The following EVX2 variants were observed in gnomAD, a reference collection of about 807,000 sequenced individuals.
EVX2 encodes the protein even-skipped homeobox 2, also known as homeobox even-skipped homolog protein 2.
EVX2 carries 10 observed loss-of-function variants against 19.2 expected under a neutral mutation model. That is an observed-to-expected ratio of 0.52 (90% CI 0.32 to 0.89). EVX2 has a LOEUF of 0.89. Among genes scored for constraint, EVX2 ranks in the 40% least tolerant of loss-of-function variants. The pLI is 0.03. For missense variants in EVX2, 710 were observed against 694.9 expected, an observed-to-expected ratio of 1.02 and a Z score of -0.24; for synonymous variants, 354 against 328.4, an observed-to-expected ratio of 1.08 and a Z score of -0.84.
chr2:176,080,843 G>C lies in EVX2; in HGVS notation c.700-5C>G, dbSNP rs767114072. 4 of 1,607,396 alleles carry C rather than the reference G, an allele frequency of 2.5e-6. No individual in the cohort carries two copies. The highest frequency in any genetic ancestry group is 3.9e-4 in the Middle Eastern group (2 of 5,082). ...GCGCCGGTTCTGGAACCACACCTGC[G>C]GGGAGAGACGCGCCGCAGCCTGGGT... On this transcript the variant is annotated splice_polypyrimidine_tract_variant and splice_region_variant and intron_variant, in intron 2 of 2. Coordinates refer to ENST00000308618, the MANE Select transcript of EVX2 (RefSeq NM_001080458.2). The surrounding 1 kb of genome is among the most constrained non-coding windows in gnomAD (Gnocchi z 7.0).
At position 176,082,550 on chromosome 2, in the gene EVX2, C is replaced by T. The variant is rs1689164900; in HGVS notation, c.428-101G>A. ...GGGAAGCCCCGTCAGGAAGGAGAGT[C>T]GCTGCCGGAATTGATGGGGTCTGTC... On this transcript the variant is annotated intron_variant, in intron 1 of 2. Transcript: ENST00000308618. The surrounding 1 kb of genome is among the most constrained non-coding windows in gnomAD (Gnocchi z 5.2). 5 of 1,380,486 alleles carry T rather than the reference C, an allele frequency of 3.6e-6. No homozygotes were observed. Among genetic ancestry groups the T allele is most frequent in the South Asian group, 2.9e-5 (2 of 67,828 alleles). The allele number at this position is 1,380,486 out of a possible 1,614,324, so 85.5% of individuals were successfully genotyped here. A position where few individuals can be genotyped will look rare whatever the true frequency, so the allele number is the denominator to read the frequency against.
Position 176,080,000 on chromosome 2 carries a change from GCGGCA to G in EVX2, c.*102_*106del. 8.1e-7 allele frequency: 1 copy of G among 1,236,718 alleles called. No individual in the cohort carries two copies. The highest frequency in any genetic ancestry group is 3.1e-5 in the East Asian group (1 of 31,938). The allele number at this position is 1,236,718 out of a possible 1,614,324, so 76.6% of individuals were successfully genotyped here. On this transcript the variant is annotated 3_prime_UTR_variant, in exon 3 of 3. Coordinates refer to ENST00000308618, the MANE Select transcript of EVX2 (RefSeq NM_001080458.2). The surrounding 1 kb of genome is among the most constrained non-coding windows in gnomAD (Gnocchi z 4.4). The stretch of plus-strand genomic sequence containing the variant: ...CTCCCGCGCCCCGGGGCGCCCCCTG[GCGGCA>G]GCGGCAGCAGCGGGCAACGCGCGGA...
rs1689082527 is a variant in EVX2 at position 176,078,298 on chromosome 2, C to T, written c.*1809G>A. 6.6e-6 allele frequency: 1 copy of T among 152,158 alleles called. No homozygotes were observed. Among genetic ancestry groups the T allele is most frequent in the South Asian group, 2.1e-4 (1 of 4,828 alleles). The allele number at this position is 152,158 out of a possible 1,614,324, so 9.4% of individuals were successfully genotyped here. A position where few individuals can be genotyped will look rare whatever the true frequency, so the allele number is the denominator to read the frequency against. Reference sequence around the variant, plus strand: ...ACGGATATATATATGCATATACATACATATACATATATATACACATACACA... The same window carrying T: ...ACGGATATATATATGCATATACATATATATACATATATATACACATACACA... On this transcript the variant is annotated 3_prime_UTR_variant, in exon 3 of 3. Transcript: ENST00000308618.
At position 176,078,656 on chromosome 2, in the gene EVX2, T is replaced by C. The variant is rs1191656130; in HGVS notation, c.*1451A>G. ...GTAACAGAGATAACATTAAATAACATACATTCTATGCACCAAGAACAATGT... is the reference window on the plus strand; with the variant it reads ...GTAACAGAGATAACATTAAATAACACACATTCTATGCACCAAGAACAATGT... On this transcript the variant is annotated 3_prime_UTR_variant, in exon 3 of 3. Coordinates refer to ENST00000308618, the MANE Select transcript of EVX2 (RefSeq NM_001080458.2). 6.6e-6 allele frequency: 1 copy of C among 152,240 alleles called. No homozygotes were observed. Among genetic ancestry groups the C allele is most frequent in the Non-Finnish European group, 1.5e-5 (1 of 68,042 alleles). The allele number at this position is 152,240 out of a possible 1,614,324, so 9.4% of individuals were successfully genotyped here. A position where few individuals can be genotyped will look rare whatever the true frequency, so the allele number is the denominator to read the frequency against.
rs2105371581 is a variant in EVX2 at position 176,081,113 on chromosome 2, A to C, written c.700-275T>G. 6.6e-6 allele frequency among the ~76,000 whole-genome samples: 1 copy of C among 152,062 alleles called. No homozygotes were observed. On this transcript the variant is annotated intron_variant, in intron 2 of 2. Coordinates refer to ENST00000308618, the MANE Select transcript of EVX2 (RefSeq NM_001080458.2). The surrounding 1 kb of genome is among the most constrained non-coding windows in gnomAD (Gnocchi z 5.9). The stretch of plus-strand genomic sequence containing the variant: ...CTTTTATTCCCTTACTTCTTGCTGC[A>C]CTTTTTTGTCCCAATCCAACCTTTC...
chr2:176,082,358 G>GCCGCTGCCT lies in EVX2; in HGVS notation c.510_518dup (p.Gly173_Ser175dup), dbSNP rs761903759. ...CGGAGCCACCCAGCGCCGCGCTCCCGCCGCTGCCTCCGCTGCCTCCATGCA... is the reference window on the plus strand; with the variant it reads ...CGGAGCCACCCAGCGCCGCGCTCCCGCCGCTGCCTCCGCTGCCTCCGCTGCCTCCATGCA... On this transcript the variant is annotated inframe_insertion, in exon 2 of 3. Coordinates refer to ENST00000308618, the MANE Select transcript of EVX2 (RefSeq NM_001080458.2). The surrounding 1 kb of genome is among the most constrained non-coding windows in gnomAD (Gnocchi z 5.2). The GCCGCTGCCT allele has an allele frequency of 1.9e-5, 30 of 1,602,032 alleles. No individual in the cohort carries two copies. Among genetic ancestry groups the GCCGCTGCCT allele is most frequent in the Non-Finnish European group, 1.5e-5 (18 of 1,178,086 alleles).
At position 176,077,810 on chromosome 2, in the gene EVX2, G is replaced by A. The variant is rs1689077310; in HGVS notation, c.*2297C>T. 1 of 152,092 alleles carries A rather than the reference G, an allele frequency of 6.6e-6. No individual in the cohort carries two copies. Among genetic ancestry groups the A allele is most frequent in the African/African-American group, 2.4e-5 (1 of 41,406 alleles). 9.4% of individuals were successfully genotyped at this position (152,092 alleles called of 1,614,324 possible). The stretch of plus-strand genomic sequence containing the variant: ...TTTAACAATCTAAATAGGTAAAGCT[G>A]ATAAAGGGTACCATATTTTGGTTTA... On this transcript the variant is annotated 3_prime_UTR_variant, in exon 3 of 3. Coordinates refer to ENST00000308618, the MANE Select transcript of EVX2 (RefSeq NM_001080458.2).
In EVX2 at chr2:176,080,083, G is replaced by A. The variant is rs1689108475; in HGVS notation, c.*24C>T. 3.4e-6 allele frequency: 5 copies of A among 1,489,236 alleles called. No homozygotes were observed. The highest frequency in any genetic ancestry group is 1.3e-5 in the South Asian group (1 of 74,720). 92.3% of individuals were successfully genotyped at this position (1,489,236 alleles called of 1,614,324 possible). On this transcript the variant is annotated 3_prime_UTR_variant, in exon 3 of 3. Coordinates refer to ENST00000308618, the MANE Select transcript of EVX2 (RefSeq NM_001080458.2). This position sits in a 1 kb window ranked among gnomAD's most constrained non-coding sequence, Gnocchi z 7.0. ...CGGGCACACTCAGAGAGGCGGGCGC[G>A]GCCCCCTGGCGGTGGCGACGTAGTT...
Position 176,080,529 on chromosome 2 carries a change from T to C in EVX2, c.1009A>G (p.Ser337Gly), listed in dbSNP as rs758076110. 1.3e-6 allele frequency: 2 copies of C among 1,497,764 alleles called. No homozygotes were observed. The highest frequency in any genetic ancestry group is 1.8e-6 in the Non-Finnish European group (2 of 1,139,192). The allele number at this position is 1,497,764 out of a possible 1,614,324, so 92.8% of individuals were successfully genotyped here. ...HPYSRPELLC[S>G]FRHPGLYQAP... ...TGGTAGAGACCAGGGTGGCGGAAGC[T>C]ACACAGCAGCTCCGGCCGAGAGTAG... The change falls in exon 3 of 3, where the codon AGC becomes GGC. Residue 337 changes from serine (S) to glycine (G), a missense_variant. Coordinates refer to ENST00000308618, the MANE Select transcript of EVX2 (RefSeq NM_001080458.2). This position sits in a 1 kb window ranked among gnomAD's most constrained non-coding sequence, Gnocchi z 7.0.
rs1689179600 is a variant in EVX2 at position 176,083,550 on chromosome 2, A to C, written c.227T>G (p.Leu76Trp). Residue 76 changes from leucine to tryptophan, a missense_variant, in exon 1 of 3, where the codon TTG becomes TGG. By Grantham distance (61) the Leu-to-Trp change is moderately conservative. Transcript: ENST00000308618. This position sits in a 1 kb window ranked among gnomAD's most constrained non-coding sequence, Gnocchi z 4.4. Reference protein sequence around the residue: ...PAKGKFEIDTLFNLQHTGSES... With the variant: ...PAKGKFEIDTWFNLQHTGSES... The stretch of plus-strand genomic sequence containing the variant: ...GCTGCCCGTGTGCTGCAGGTTGAAC[A>C]AAGTGTCTATTTCGAATTTGCCCTT... The C allele has an allele frequency of 6.2e-7, 1 of 1,613,994 alleles. No homozygotes were observed. Among genetic ancestry groups the C allele is most frequent in the African/African-American group, 1.3e-5 (1 of 74,902 alleles).
chr2:176,080,915 C>CT lies in EVX2; in HGVS notation c.700-78dup. ...AGCTCCTGTCCCAGGACCTCTGCCC[C>CT]TTCCGGACCTCTGAATGGCTTGGTC... On this transcript the variant is annotated intron_variant, in intron 2 of 2. Transcript: ENST00000308618. This position sits in a 1 kb window ranked among gnomAD's most constrained non-coding sequence, Gnocchi z 7.0. 1 of 1,498,866 alleles carries CT rather than the reference C, an allele frequency of 6.7e-7. No homozygotes were observed. Among genetic ancestry groups the CT allele is most frequent in the Non-Finnish European group, 8.9e-7 (1 of 1,123,612 alleles). 92.8% of individuals were successfully genotyped at this position (1,498,866 alleles called of 1,614,324 possible).
rs1319351419 is a variant in EVX2 at position 176,083,599 on chromosome 2, T to G, written c.178A>C (p.Ser60Arg). ...TTGGCGGGGAGTTCTCCCAGAGCGC[T>G]GTGCAGGGGGGCAGACGGCAGGCGC... ...SPRLPSAPLH[S>R]ALGELPAKGK... The change falls in exon 1 of 3, where the codon AGC becomes CGC. Residue 60 changes from serine (S) to arginine (R), a missense_variant. Coordinates refer to ENST00000308618, the MANE Select transcript of EVX2 (RefSeq NM_001080458.2). This position sits in a 1 kb window ranked among gnomAD's most constrained non-coding sequence, Gnocchi z 4.4. The G allele has an allele frequency of 6.2e-7, 1 of 1,614,132 alleles. No individual in the cohort carries two copies. The highest frequency in any genetic ancestry group is 1.3e-5 in the African/African-American group (1 of 75,034).
Position 176,082,333 on chromosome 2 carries a change from C to G in EVX2, c.544G>C (p.Gly182Arg), listed in dbSNP as rs765138329. ...CGCCGCACTTGATCCGCGCCAGAGCCGGAGCCACCCAGCGCCGCGCTCCCG... is the reference window on the plus strand; with the variant it reads ...CGCCGCACTTGATCCGCGCCAGAGCGGGAGCCACCCAGCGCCGCGCTCCCG... ...SGGSAALGGS[G>R]SGADQVRRYR... Residue 182 changes from glycine (G) to arginine (R), a missense_variant, in exon 2 of 3, where the codon GGC (glycine) becomes CGC (arginine). Physicochemically the swap from Gly to Arg is moderately radical, Grantham distance 125. Coordinates refer to ENST00000308618, the MANE Select transcript of EVX2 (RefSeq NM_001080458.2). This position sits in a 1 kb window ranked among gnomAD's most constrained non-coding sequence, Gnocchi z 5.2. The G allele has an allele frequency of 1.3e-6, 2 of 1,597,150 alleles. No individual in the cohort carries two copies. The highest frequency in any genetic ancestry group is 1.1e-5 in the South Asian group (1 of 90,302).
chr2:176,083,543 G>C lies in EVX2; in HGVS notation c.234C>G (p.Asn78Lys), dbSNP rs1434089573. The part of the protein sequence containing the change: ...KGKFEIDTLF[N>K]LQHTGSESTV... ...TGCTTTCGCTGCCCGTGTGCTGCAG[G>C]TTGAACAAAGTGTCTATTTCGAATT... The change falls in exon 1 of 3, where the codon AAC becomes AAG. Residue 78 changes from asparagine to lysine, a missense_variant. By Grantham distance (94) the Asn-to-Lys change is moderately conservative (BLOSUM62 0). Coordinates refer to ENST00000308618, the MANE Select transcript of EVX2 (RefSeq NM_001080458.2). This position sits in a 1 kb window ranked among gnomAD's most constrained non-coding sequence, Gnocchi z 4.4. The C allele has an allele frequency of 6.2e-7, 1 of 1,614,202 alleles. No homozygotes were observed. The highest frequency in any genetic ancestry group is 8.5e-7 in the Non-Finnish European group (1 of 1,180,040).
chr2:176,080,326 TGCTGCCGCG>T lies in EVX2; in HGVS notation c.1203_1211del (p.Ala406_Ala408del), dbSNP rs982190155. 3.9e-6 allele frequency: 5 copies of T among 1,290,198 alleles called. No individual in the cohort carries two copies. Among genetic ancestry groups the T allele is most frequent in the Admixed American group, 5.6e-5 (2 of 35,568 alleles). The allele number at this position is 1,290,198 out of a possible 1,614,324, so 79.9% of individuals were successfully genotyped here. A position where few individuals can be genotyped will look rare whatever the true frequency, so the allele number is the denominator to read the frequency against. ...CCCGGGAACCCAGGGCTGCGGCAGC[TGCTGCCGCG>T]GCTGCCGCCGCCGACTGACTGCTGT... On this transcript the variant is annotated inframe_deletion, in exon 3 of 3. Transcript: ENST00000308618. This position sits in a 1 kb window ranked among gnomAD's most constrained non-coding sequence, Gnocchi z 7.0.
In EVX2 at chr2:176,078,035, C is replaced by T. The variant is rs1201010587; in HGVS notation, c.*2072G>A. 4 of 152,026 alleles carry T rather than the reference C, an allele frequency of 2.6e-5. No homozygotes were observed. Among genetic ancestry groups the T allele is most frequent in the Admixed American group, 2.0e-4 (3 of 15,276 alleles). The allele number at this position is 152,026 out of a possible 1,614,324, so 9.4% of individuals were successfully genotyped here. ...ATATTTTAATAGACCCCAGGAATTTCGAAATACTGTTTCCCCTTTATGTAT... is the reference window on the plus strand; with the variant it reads ...ATATTTTAATAGACCCCAGGAATTTTGAAATACTGTTTCCCCTTTATGTAT... On this transcript the variant is annotated 3_prime_UTR_variant, in exon 3 of 3. Coordinates refer to ENST00000308618, the MANE Select transcript of EVX2 (RefSeq NM_001080458.2).
At position 176,080,812 on chromosome 2, in the gene EVX2, C is replaced by T. The variant is rs751286050; in HGVS notation, c.726G>A (p.Lys242=). Residue 242 remains lysine, a synonymous_variant, in exon 3 of 3, where the codon AAG becomes AAA. Coordinates refer to ENST00000308618, the MANE Select transcript of EVX2 (RefSeq NM_001080458.2). The surrounding 1 kb of genome is among the most constrained non-coding windows in gnomAD (Gnocchi z 7.0). ...ACATGGCCAGGCGCTGCCGCTTGTC[C>T]TTCATGCGCCGGTTCTGGAACCACA... The part of the protein sequence containing the change: ...IKVWFQNRRM[K]DKRQRLAMSW... 65 of 1,612,110 alleles carry T rather than the reference C, an allele frequency of 4.0e-5. No individual in the cohort carries two copies. The highest frequency in any genetic ancestry group is 1.8e-4 in the Middle Eastern group (1 of 5,712).
Position 176,080,454 on chromosome 2 carries a change from C to CT in EVX2, c.1083dup (p.Ala362SerfsTer98). 8.4e-7 allele frequency: 1 copy of CT among 1,192,878 alleles called. No homozygotes were observed. Among genetic ancestry groups the CT allele is most frequent in the Non-Finnish European group, 1.0e-6 (1 of 964,942 alleles). 73.9% of individuals were successfully genotyped at this position (1,192,878 alleles called of 1,614,324 possible). The stretch of plus-strand genomic sequence containing the variant: ...GCCGCAGCCGCTGCGGCTGCCGCGG[C>CT]TGCCGCGGCAGAGGCCGCGCTGTTG... On this transcript the variant is annotated frameshift_variant, in exon 3 of 3. Coordinates refer to ENST00000308618, the MANE Select transcript of EVX2 (RefSeq NM_001080458.2). LOFTEE classifies it low-confidence loss of function (END_TRUNC). This position sits in a 1 kb window ranked among gnomAD's most constrained non-coding sequence, Gnocchi z 7.0.
rs1314252390 is a variant in EVX2, at chr2:176,083,445, T to C, written c.332A>G (p.Glu111Gly). ...KPGHYSEAAA[E>G]ADMSSDVEVG... ...CTCCACGTCGCTGCTCATGTCGGCC[T>C]CAGCGGCCGCCTCTGAATAATGGCC... Residue 111 changes from glutamate (E) to glycine (G), a missense_variant, in exon 1 of 3, where the codon GAG (glutamate) becomes GGG (glycine). Physicochemically the swap from Glu to Gly is moderately conservative, Grantham distance 98. Transcript: ENST00000308618. This position sits in a 1 kb window ranked among gnomAD's most constrained non-coding sequence, Gnocchi z 4.4. 6.2e-7 allele frequency: 1 copy of C among 1,613,984 alleles called. No homozygotes were observed. Among genetic ancestry groups the C allele is most frequent in the Non-Finnish European group, 8.5e-7 (1 of 1,179,998 alleles).
Sources: gnomAD v4.1 joint callset for allele counts (sites outside exome capture counted in the v4.1 genomes callset) on GRCh38, gnomAD v4.1.1 for gene constraint, Gnocchi (gnomAD v3.1) non-coding constraint, MANE v1.5 for transcripts, NCBI Gene and HGNC (gene_info 2026-07-23, HGNC 2026-07-21) for gene names.